The following SEPTIN11 variants were observed in gnomAD, a reference collection of about 807,000 sequenced individuals.
SEPTIN11 encodes the protein septin 11.
In SEPTIN11, 25 loss-of-function variants were observed where a neutral mutation model predicts 51.4. The observed-to-expected ratio is 0.49, with a 90% CI of 0.35 to 0.68. SEPTIN11 has a LOEUF of 0.68. Among genes scored for constraint, SEPTIN11 ranks in the 30% least tolerant of loss-of-function variants. SEPTIN11 has a pLI of 0.00. For missense variants in SEPTIN11, 381 were observed against 520.8 expected, an observed-to-expected ratio of 0.73 and a Z score of 2.61; for synonymous variants, 174 against 184.1, an observed-to-expected ratio of 0.95 and a Z score of 0.44.
intron 1 of SEPTIN11, among the ~76,000 whole-genome samples, chr4:76,962,794 A>C (rs1360969932): frequency 6.6e-6 from 1 of 152,178 alleles, no homozygotes; most frequent in African/African-American, 2.4e-5. Context: ...TGATCTTTTA[A>C]TGTATTTCTT....
intron 1 of SEPTIN11, among the ~76,000 whole-genome samples, chr4:76,956,691 G>T (rs1392721683): frequency 6.6e-6 from 1 of 152,168 alleles, no homozygotes. Flanking sequence ...CATGCAGATT[G>T]TATTGGCCAA....
chr4:77,018,979 G>T (rs184164853), intron 5 of SEPTIN11, among the ~76,000 whole-genome samples, 186 bp from the exon 6 acceptor site: 1 of 152,110 alleles, frequency 6.6e-6, no homozygotes, highest in Non-Finnish European at 1.5e-5. Context: ...AATCTAGCTC[G>T]TGTCTCATAC....
At chr4:76,954,249 CTG>C (rs1721467598) in intron 1 of SEPTIN11, among the ~76,000 whole-genome samples, 1 of 152,192 alleles carries the variant, frequency 6.6e-6, no homozygotes, top group Non-Finnish European at 1.5e-5. Context: ...TTTTCTGTGC[CTG>C]TGTTTCTCTT....
intron 3 of SEPTIN11, among the ~76,000 whole-genome samples, chr4:77,008,494 G>A (rs1057407891): frequency 6.6e-6 from 1 of 152,176 alleles, no homozygotes; most frequent in Non-Finnish European, 1.5e-5. Context: ...AAGGAAAATT[G>A]GCTAACAGAC....
downstream of SEPTIN11, chr4:77,039,937 A>G (rs1727269812): frequency 1.2e-5 from 2 of 164,622 alleles, no homozygotes; most frequent in Non-Finnish European, 1.3e-5. Flanking sequence ...TACTTTTGGT[A>G]TCAAAATTAT....
chr4:77,037,910 C>T lies in SEPTIN11; in HGVS notation c.*3398C>T, dbSNP rs1727144278. The T allele has an allele frequency of 1.2e-5, 12 of 985,902 alleles. No individual in the cohort carries two copies. Among genetic ancestry groups the T allele is most frequent in the Non-Finnish European group, 1.4e-5 (12 of 829,948 alleles). 61.1% of individuals were successfully genotyped at this position (985,902 alleles called of 1,614,324 possible). A position where few individuals can be genotyped will look rare whatever the true frequency, so the allele number is the denominator to read the frequency against. On this transcript the variant is annotated 3_prime_UTR_variant, in exon 10 of 10. Coordinates refer to ENST00000264893, the MANE Select transcript of SEPTIN11 (RefSeq NM_018243.4). ...GCTTTGTGACTCACCAGCAGTAACA[C>T]ACACAATCCACATCTTGTGCACCTC...
intron 9 of SEPTIN11, chr4:77,032,188 A>G (rs1726699571): frequency 6.7e-6 from 1 of 150,026 alleles, no homozygotes; most frequent in South Asian, 2.1e-4. Flanking sequence ...ATCATGCTTT[A>G]CAAACTGACA....
In SEPTIN11 at chr4:77,005,779, G is replaced by C. The variant is rs757437859; in HGVS notation, c.321G>C (p.Gln107His). ...TTGACACCGTGGGATTTGGAGACCA[G>C]ATAAATAAAGATGACAGGTACATCT... ...TIVDTVGFGD[Q>H]INKDDSYKPI... The change falls in exon 3 of 10, where the codon CAG (glutamine) becomes CAC (histidine). Residue 107 changes from glutamine to histidine, a missense_variant. Coordinates refer to ENST00000264893, the MANE Select transcript of SEPTIN11 (RefSeq NM_018243.4). The C allele has an allele frequency of 1.5e-5, 24 of 1,613,536 alleles. No individual in the cohort carries two copies. Among genetic ancestry groups the C allele is most frequent in the Non-Finnish European group, 1.9e-5 (23 of 1,179,758 alleles).
chr4:76,996,324 T>C, intron 1 of SEPTIN11, 101 bp from the exon 2 acceptor site: 1 of 886,506 alleles, frequency 1.1e-6, no homozygotes, highest in Admixed American at 2.1e-5. Flanking sequence ...TTTTTCCATG[T>C]ATGTCAAGGG....
At chr4:76,958,760 A>G (rs1254429215) in intron 1 of SEPTIN11, 2 of 671,332 alleles carry the variant, frequency 3.0e-6, no homozygotes, top group African/African-American at 3.7e-5. Flanking sequence ...CCAGATGGCA[A>G]TTAGGTTTAT....
chr4:76,994,199 A>G (rs922192920), intron 1 of SEPTIN11, among the ~76,000 whole-genome samples: 4 of 152,236 alleles, frequency 2.6e-5, no homozygotes, highest in Admixed American at 2.0e-4. Context: ...GGCTGGTGCC[A>G]TGGCTTCTCC....
At chr4:77,038,970 C>A, downstream of SEPTIN11, 3 of 745,706 alleles carry the variant, frequency 4.0e-6, no homozygotes, top group Non-Finnish European at 6.0e-6. Flanking sequence ...TTAACTGACA[C>A]ACTGCTGTTC....
At position 77,005,632 on chromosome 4, in the gene SEPTIN11, G is replaced by A. The variant is rs1724426257; in HGVS notation, c.174G>A (p.Met58Ile). 2 of 1,613,736 alleles carry A rather than the reference G, an allele frequency of 1.2e-6. No homozygotes were observed. The highest frequency in any genetic ancestry group is 2.2e-5 in the South Asian group (2 of 91,038). ...CAGGCATTGGCAAATCCACGTTAAT[G>A]GACACTTTGTTCAACACCAAATTTG... ...GETGIGKSTL[M>I]DTLFNTKFES... The change falls in exon 3 of 10, where the codon ATG (methionine) becomes ATA (isoleucine). Residue 58 changes from methionine (M) to isoleucine (I), a missense_variant. By Grantham distance (10) the Met-to-Ile change is conservative. This residue lies in a region of SEPTIN11 where 184 missense variants were observed against 207.7 expected (regional missense o/e 0.89). Transcript: ENST00000264893.
At chr4:76,962,974 G>A (rs1721885689) in intron 1 of SEPTIN11, among the ~76,000 whole-genome samples, 1 of 152,148 alleles carries the variant, frequency 6.6e-6, no homozygotes, top group Admixed American at 6.5e-5. Context: ...TCATTCAAGT[G>A]ACTTGGCTTT....
At position 77,037,216 on chromosome 4, in the gene SEPTIN11, G is replaced by T; in HGVS notation, c.*2704G>T. On this transcript the variant is annotated 3_prime_UTR_variant, in exon 10 of 10. Coordinates refer to ENST00000264893, the MANE Select transcript of SEPTIN11 (RefSeq NM_018243.4). ...GTCTCTACAAAAAATACAAAAATTA[G>T]CCAGGCGTGGTGGCACGTGCCTGTA... is the stretch of plus-strand genomic sequence containing the variant. 1 of 583,244 alleles carries T rather than the reference G, an allele frequency of 1.7e-6. No homozygotes were observed. Among genetic ancestry groups the T allele is most frequent in the African/African-American group, 2.0e-5 (1 of 49,288 alleles). 36.1% of individuals were successfully genotyped at this position (583,244 alleles called of 1,614,324 possible).
At chr4:76,987,730 C>A in intron 1 of SEPTIN11, 1 of 367,288 alleles carries the variant, frequency 2.7e-6, no homozygotes, top group Non-Finnish European at 3.8e-6. Flanking sequence ...AGAATTTCTC[C>A]AGATACTGGG....
intron 9 of SEPTIN11, among the ~76,000 whole-genome samples, chr4:77,032,562 GTGTC>G (rs1440449344): frequency 5.9e-5 from 9 of 152,162 alleles, no homozygotes; most frequent in Admixed American, 1.3e-4. Context: ...GGGTGTGTAT[GTGTC>G]TGTGTGTGTG....
chr4:77,015,134 TC>T, intron 5 of SEPTIN11, 117 bp downstream of exon 5: 1 of 919,600 alleles, frequency 1.1e-6, no homozygotes, highest in Non-Finnish European at 1.6e-6. Flanking sequence ...TCAGCTGTAG[TC>T]CAGCTTTGCC....
At chr4:77,009,579 T>C (rs779810756) in intron 3 of SEPTIN11, among the ~76,000 whole-genome samples, 3 of 152,106 alleles carry the variant, frequency 2.0e-5, no homozygotes, top group Non-Finnish European at 4.4e-5. Context: ...ACAAAAGATA[T>C]CTTGAATCCA....
Sources: allele counts gnomAD v4.1 joint callset (sites outside exome capture counted in the v4.1 genomes callset), GRCh38; gene constraint gnomAD v4.1.1; regional missense constraint gnomAD v4.1.1; transcripts MANE v1.5; gene names NCBI Gene and HGNC (gene_info 2026-07-23, HGNC 2026-07-21).